RELN: variants seen among roughly 807,000 people sequenced by gnomAD.
The protein encoded by RELN is reelin.
RELN carries 108 observed loss-of-function variants against 427.6 expected under a neutral mutation model. The observed-to-expected ratio is 0.25, with a 90% confidence interval of 0.22 to 0.30. The LOEUF is 0.30. RELN is among the 10% of genes least tolerant of loss of function. The pLI, the probability that RELN is intolerant of heterozygous loss-of-function variation, is 1.00. For missense variants in RELN, 3,715 were observed against 4,302.8 expected (o/e 0.86, Z 3.82); for synonymous variants, 1,524 against 1,513.4 (o/e 1.01, Z -0.16).
chr7:103,884,522 C>T (rs1413953593), intron 2 of RELN, among the ~76,000 whole-genome samples: 2 of 152,094 alleles, frequency 1.3e-5, no homozygotes, highest in Non-Finnish European at 2.9e-5. Context: ...AAAATTTTTG[C>T]AATCTGTCCA....
intron 28 of RELN, among the ~76,000 whole-genome samples, chr7:103,586,294 C>T (rs1356573017): frequency 7.9e-5 from 12 of 151,992 alleles, no homozygotes; most frequent in Admixed American, 2.6e-4. Context: ...ACCTGGGAGG[C>T]GGAGGTTGCA....
At position 103,474,991 on chromosome 7, in the gene RELN, T is replaced by C. The variant is rs142197050; in HGVS notation, c.10287-2083A>G. On this transcript the variant is annotated intron_variant, in intron 64 of 64. Transcript: ENST00000428762. ...CTTTGCCCAAAACCATGCAGAATCC[T>C]CTTATCTATGGAGCAACAGCTAAGC... Among the ~76,000 whole-genome samples, 13 of 152,286 alleles carry C rather than the reference T, an allele frequency of 8.5e-5. No individual in the cohort carries two copies. The East Asian group carries it at 2.5e-3, about 29-fold the overall frequency.
At chr7:103,922,788 A>T (rs1167107831) in intron 1 of RELN, among the ~76,000 whole-genome samples, 1 of 152,184 alleles carries the variant, frequency 6.6e-6, no homozygotes, top group Admixed American at 6.6e-5. Context: ...TTTGCATTTC[A>T]TTCTAAAGCT....
chr7:103,651,903 T>A (rs1832924251), intron 14 of RELN, 114 bp from the exon 15 acceptor site: 4 of 1,125,732 alleles, frequency 3.6e-6, no homozygotes, highest in East Asian at 2.6e-5. Context: ...CAGTGTAAAA[T>A]TTTTTAAAGA....
At chr7:103,501,748 T>C (rs535406386) in intron 52 of RELN, among the ~76,000 whole-genome samples, 1 of 152,252 alleles carries the variant, frequency 6.6e-6, no homozygotes, top group East Asian at 1.9e-4. Context: ...GAGGAGAAAA[T>C]GAGTCTGTGA....
intron 4 of RELN, among the ~76,000 whole-genome samples, chr7:103,773,827 T>C (rs1162851825): frequency 6.6e-6 from 1 of 152,096 alleles, no homozygotes; most frequent in Non-Finnish European, 1.5e-5. Context: ...CTGGGATGCC[T>C]TTCCTAACAC....
chr7:103,856,602 A>AAAG (rs1190496941), intron 2 of RELN, among the ~76,000 whole-genome samples: 1 of 145,316 alleles, frequency 6.9e-6, no homozygotes, highest in African/African-American at 2.5e-5. Context: ...AGAAAGAAAG[A>AAAG]AAAAAGCAAA....
intron 10 of RELN, among the ~76,000 whole-genome samples, chr7:103,693,943 A>G (rs1833924761): frequency 6.6e-6 from 1 of 152,160 alleles, no homozygotes. Context: ...CCTTAAATAC[A>G]CAATAGTTTG....
chr7:103,784,801 T>C lies in RELN; in HGVS notation c.474-8174A>G, dbSNP rs1293663757. Among the ~76,000 whole-genome samples, 3 of 152,180 alleles carry C rather than the reference T, an allele frequency of 2.0e-5. No individual in the cohort carries two copies. The East Asian group carries it at 5.8e-4, about 29-fold the overall frequency. ...TTTTTGGATTATGTCTTCTTTGTTA[T>C]GTTATGTGTACCCTAGGCACAGGGA... On this transcript the variant is annotated intron_variant, in intron 3 of 64. Transcript: ENST00000428762.
chr7:103,505,628 A>G (rs1336446787), intron 51 of RELN, among the ~76,000 whole-genome samples: 3 of 152,236 alleles, frequency 2.0e-5, no homozygotes, highest in African/African-American at 7.2e-5. Flanking sequence ...CAGCGCAAAA[A>G]GGCTGAAAAT....
intron 13 of RELN, among the ~76,000 whole-genome samples, chr7:103,653,667 G>A (rs17154011): frequency 0.035 from 5,393 of 151,992 alleles, 149 homozygotes; most frequent in East Asian, 0.14. Context: ...AACCTCAATC[G>A]GTAGCTCTAG....
intron 8 of RELN, among the ~76,000 whole-genome samples, chr7:103,707,944 T>G (rs1398151756): frequency 1.3e-5 from 2 of 152,246 alleles, no homozygotes; most frequent in Non-Finnish European, 2.9e-5. Context: ...TATTTAAAAA[T>G]GATGGAATAA....
At position 103,773,027 on chromosome 7, in the gene RELN, A is replaced by G. The variant is rs371700817; in HGVS notation, c.544+3530T>C. On this transcript the variant is annotated intron_variant, in intron 4 of 64. Transcript: ENST00000428762. The stretch of plus-strand genomic sequence containing the variant: ...GAGGGAGGATATTCGGCAGTTCCCA[A>G]AGGAGGCACTGCTGGGCCCTGATGT... Among the ~76,000 whole-genome samples, 73 of 152,272 alleles carry G rather than the reference A, an allele frequency of 4.8e-4. No individual in the cohort carries two copies. The South Asian group carries it at 0.015, about 31-fold the overall frequency.
intron 49 of RELN, among the ~76,000 whole-genome samples, chr7:103,516,182 T>C (rs1291718838): frequency 6.6e-6 from 1 of 152,046 alleles, no homozygotes; most frequent in Non-Finnish European, 1.5e-5. Flanking sequence ...CAATTATACA[T>C]GAAAACCCAG....
At chr7:103,967,195 G>A (rs1298318816) in intron 1 of RELN, among the ~76,000 whole-genome samples, 1 of 152,096 alleles carries the variant, frequency 6.6e-6, no homozygotes, top group Non-Finnish European at 1.5e-5. Context: ...AACCCATGGA[G>A]ACCAATTCCA....
At chr7:103,493,242 T>C (rs758967755) in intron 57 of RELN, among the ~76,000 whole-genome samples, 10 of 152,074 alleles carry the variant, frequency 6.6e-5, no homozygotes, top group Non-Finnish European at 1.3e-4. Flanking sequence ...ACAGAGAAGA[T>C]TGGATGGATA....
intron 1 of RELN, among the ~76,000 whole-genome samples, chr7:103,978,065 TTAAA>T (rs1241369110): frequency 6.7e-6 from 1 of 149,148 alleles, no homozygotes; most frequent in African/African-American, 2.6e-5. Flanking sequence ...TCTATTTATC[TTAAA>T]TTAATCAAAG....
chr7:103,674,001 T>C (rs994008964), intron 11 of RELN, among the ~76,000 whole-genome samples: 3 of 152,130 alleles, frequency 2.0e-5, no homozygotes, highest in Non-Finnish European at 4.4e-5. Flanking sequence ...CAATTATTTA[T>C]TTGAATATTG....
chr7:103,672,636 TTTAA>T (rs1833418678), intron 11 of RELN, among the ~76,000 whole-genome samples: 1 of 152,156 alleles, frequency 6.6e-6, no homozygotes, highest in African/African-American at 2.4e-5. Flanking sequence ...ATCCAATTCT[TTTAA>T]TTAATATTTT....
Sources: gnomAD v4.1 joint callset for allele counts (sites outside exome capture counted in the v4.1 genomes callset) on GRCh38, gnomAD v4.1.1 for gene constraint, MANE v1.5 for transcripts, NCBI Gene and HGNC (gene_info 2026-07-23, HGNC 2026-07-21) for gene names.